The following NCALD variants were observed in gnomAD, a reference collection of about 807,000 sequenced individuals.
NCALD encodes the protein neurocalcin-delta.
NCALD carries 10 observed loss-of-function variants against 18.6 expected under a neutral mutation model. That is an observed-to-expected ratio of 0.54 (90% CI 0.33 to 0.91). The LOEUF (loss-of-function observed/expected upper bound fraction) is 0.91, where lower values mean the gene tolerates loss of function less well. Among genes scored for constraint, NCALD ranks in the 40% least tolerant of loss-of-function variants. The pLI is 0.03. For synonymous variants in NCALD, 88 were observed against 87.4 expected, an observed-to-expected ratio of 1.01 and a Z score of -0.04; for missense variants, 184 against 247.6, an observed-to-expected ratio of 0.74 and a Z score of 1.72.
chr8:102,036,765 A>AAAC (rs893208494), intron 1 of NCALD, among the ~76,000 whole-genome samples: 3 of 151,190 alleles, frequency 2.0e-5, no homozygotes, highest in Non-Finnish European at 4.4e-5. Flanking sequence ...ATATCTCAAA[A>AAAC]AACAACAACA....
intron 1 of NCALD, among the ~76,000 whole-genome samples, chr8:102,026,551 G>A (rs972928032): frequency 6.6e-6 from 1 of 152,184 alleles, no homozygotes; most frequent in Non-Finnish European, 1.5e-5. Flanking sequence ...GGGCTCCCAT[G>A]GCCTTGGACA....
At chr8:101,786,172 C>A (rs1339617010) in intron 1 of NCALD, 3 of 152,166 alleles carry the variant, frequency 2.0e-5, no homozygotes, top group African/African-American at 7.2e-5. Flanking sequence ...TTATAGCAAC[C>A]CTGGGGTCTG....
At chr8:101,794,335 T>C (rs990990280), upstream of NCALD, among the ~76,000 whole-genome samples, 1 of 152,094 alleles carries the variant, frequency 6.6e-6, no homozygotes, top group African/African-American at 2.4e-5. Context: ...TATTGGGAAA[T>C]AAATGTTGAA....
At chr8:101,900,362 A>G (rs1463483724) in intron 3 of NCALD, among the ~76,000 whole-genome samples, 3 of 151,654 alleles carry the variant, frequency 2.0e-5, no homozygotes, top group East Asian at 1.9e-4. Flanking sequence ...TCTTTATTAT[A>G]TCCTTTCTTA....
intron 2 of NCALD, among the ~76,000 whole-genome samples, chr8:101,954,057 G>C (rs1819531725): frequency 6.6e-6 from 1 of 152,204 alleles, no homozygotes; most frequent in Non-Finnish European, 1.5e-5. Context: ...GCCTTCTAAG[G>C]GCTTAGCATC....
At chr8:102,063,739 G>A (rs112750179) in intron 1 of NCALD, among the ~76,000 whole-genome samples, 3 of 152,234 alleles carry the variant, frequency 2.0e-5, no homozygotes, top group African/African-American at 7.2e-5. Context: ...CATTTCATAG[G>A]GTGGACAGCT....
chr8:101,925,868 T>C (rs1348862215), intron 2 of NCALD, among the ~76,000 whole-genome samples: 3 of 152,156 alleles, frequency 2.0e-5, no homozygotes, highest in African/African-American at 7.2e-5. Context: ...GAGGAAATGA[T>C]GGTGGGCTAT....
At chr8:101,797,537 G>A (rs1211137481) in intron 4 of NCALD, among the ~76,000 whole-genome samples, 1 of 152,160 alleles carries the variant, frequency 6.6e-6, no homozygotes, top group Admixed American at 6.5e-5. Context: ...TGAATGTGGA[G>A]GCCAAGTGTG....
intron 4 of NCALD, among the ~76,000 whole-genome samples, chr8:101,807,301 T>C (rs562901547): frequency 2.0e-5 from 3 of 152,236 alleles, no homozygotes; most frequent in Admixed American, 6.5e-5. Flanking sequence ...TGTATAAAAC[T>C]ATATATATAA....
chr8:101,845,994 G>GCA (rs1264256777), intron 4 of NCALD, among the ~76,000 whole-genome samples: 1 of 152,130 alleles, frequency 6.6e-6, no homozygotes, highest in African/African-American at 2.4e-5. Context: ...CCATGTTGCT[G>GCA]CAAATGACAG....
intron 1 of NCALD, among the ~76,000 whole-genome samples, chr8:102,102,745 G>A (rs1825327202): frequency 6.6e-6 from 1 of 152,098 alleles, no homozygotes. Context: ...TGTCTCGGAT[G>A]CAGTTCGTTG....
At chr8:101,944,746 A>T (rs1455978543) in intron 2 of NCALD, among the ~76,000 whole-genome samples, 1 of 152,024 alleles carries the variant, frequency 6.6e-6, no homozygotes, top group Non-Finnish European at 1.5e-5. Flanking sequence ...GCCCTCTTTA[A>T]CTATGGCTCC....
At chr8:102,010,836 A>G (rs1821879786) in intron 2 of NCALD, among the ~76,000 whole-genome samples, 1 of 152,258 alleles carries the variant, frequency 6.6e-6, no homozygotes, top group South Asian at 2.1e-4. Flanking sequence ...TTTATACCAC[A>G]TAAGATTACA....
chr8:101,911,636 T>C (rs1817805407), intron 3 of NCALD, among the ~76,000 whole-genome samples: 3 of 152,134 alleles, frequency 2.0e-5, no homozygotes, highest in Admixed American at 2.0e-4. Flanking sequence ...GGATTACAGG[T>C]ATGAACCACC....
chr8:101,887,434 C>T (rs1816715522), intron 3 of NCALD, among the ~76,000 whole-genome samples: 1 of 152,146 alleles, frequency 6.6e-6, no homozygotes, highest in African/African-American at 2.4e-5. Flanking sequence ...CCAGGAATAA[C>T]AGGCACAGTC....
At chr8:101,730,888 ATGG>A (rs1269971259) in intron 1 of NCALD, among the ~76,000 whole-genome samples, 4 of 152,190 alleles carry the variant, frequency 2.6e-5, no homozygotes, top group African/African-American at 9.7e-5. Flanking sequence ...AATGGTGCTT[ATGG>A]TGTAGTGGCA....
chr8:101,768,679 A>G (rs1214511745), intron 1 of NCALD, among the ~76,000 whole-genome samples: 1 of 150,566 alleles, frequency 6.6e-6, no homozygotes, highest in Non-Finnish European at 1.5e-5. Context: ...ACTGCACTCC[A>G]GGTTGGGTGA....
chr8:102,063,024 CTTAA>C (rs1823896756), intron 1 of NCALD, among the ~76,000 whole-genome samples: 3 of 152,134 alleles, frequency 2.0e-5, no homozygotes, highest in Non-Finnish European at 4.4e-5. Context: ...TTATAACTCA[CTTAA>C]ATATATAGAA....
chr8:101,744,502 G>A (rs1470349174), intron 1 of NCALD, among the ~76,000 whole-genome samples: 1 of 152,222 alleles, frequency 6.6e-6, no homozygotes, highest in African/African-American at 2.4e-5. Flanking sequence ...AGTGCTGGCA[G>A]ATCTTAAAAT....
Sources: allele counts gnomAD v4.1 joint callset (sites outside exome capture counted in the v4.1 genomes callset), GRCh38; gene constraint gnomAD v4.1.1; transcripts MANE v1.5; gene names NCBI Gene and HGNC (gene_info 2026-07-23, HGNC 2026-07-21).